Variants in KIF26A observed in about 807,000 individuals in gnomAD.
KIF26A encodes the protein kinesin-like protein KIF26A.
A neutral mutation model predicts 126.0 loss-of-function variants in KIF26A; 74 were observed. The observed-to-expected ratio is 0.59, with a 90% confidence interval of 0.49 to 0.71. The LOEUF is 0.71. Ranked by LOEUF, KIF26A falls within the 30% of genes least tolerant of loss-of-function variation. The pLI, the probability that KIF26A is intolerant of heterozygous loss-of-function variation, is 0.00. For missense variants in KIF26A, 2,984 were observed against 2,763.3 expected (o/e 1.08, Z -1.79); for synonymous variants, 1,445 against 1,232.7 (o/e 1.17, Z -3.61).
In KIF26A at chr14:104,172,486, C is replaced by T. The variant is rs1180145960; in HGVS notation, c.1327-89C>T. The T allele has an allele frequency of 3.4e-6, 3 of 876,352 alleles. No individual in the cohort carries two copies. In the African/African-American group the frequency reaches 5.0e-5, roughly 15 times the overall value. The allele number at this position is 876,352 out of a possible 1,614,324, so 54.3% of individuals were successfully genotyped here. A position where few individuals can be genotyped will look rare whatever the true frequency, so the allele number is the denominator to read the frequency against. On this transcript the variant is annotated intron_variant, in intron 6 of 14. Coordinates refer to ENST00000423312, the MANE Select transcript of KIF26A (RefSeq NM_015656.2). Reference sequence around the variant, plus strand: ...CCCAATCTCCTTGTGGGTCGACTGCCTGCATGTGCCAGGACAGACCGGCCT... The same window carrying T: ...CCCAATCTCCTTGTGGGTCGACTGCTTGCATGTGCCAGGACAGACCGGCCT...
At position 104,177,327 on chromosome 14, in the gene KIF26A, T is replaced by C. The variant is rs1162415169; in HGVS notation, c.4539T>C (p.Pro1513=). The C allele has an allele frequency of 6.6e-7, 1 of 1,525,456 alleles. No individual in the cohort carries two copies. Among genetic ancestry groups the C allele is most frequent in the Non-Finnish European group, 8.8e-7 (1 of 1,140,214 alleles). 94.5% of individuals were successfully genotyped at this position (1,525,456 alleles called of 1,614,324 possible). ...LVAGGSRALG[P]SVKLSTASVT... Reference sequence around the variant, plus strand: ...CTGGTGGGTCGCGGGCTCTGGGGCCTTCGGTGAAGCTGTCTACGGCCTCTG... The same window carrying C: ...CTGGTGGGTCGCGGGCTCTGGGGCCCTCGGTGAAGCTGTCTACGGCCTCTG... The change falls in exon 12 of 15, where the codon CCT becomes CCC. Residue 1513 remains proline (P), a synonymous_variant. Transcript: ENST00000423312.
At chr14:104,143,828 T>G (rs982001158) in intron 2 of KIF26A, among the ~76,000 whole-genome samples, 1 of 152,232 alleles carries the variant, frequency 6.6e-6, no homozygotes, top group African/African-American at 2.4e-5. Context: ...GTGCCTGGCA[T>G]CAGCAGCATT....
At position 104,176,933 on chromosome 14, in the gene KIF26A, C is replaced by T. The variant is rs755580693; in HGVS notation, c.4145C>T (p.Pro1382Leu). Residue 1382 changes from proline (P) to leucine (L), a missense_variant, in exon 12 of 15, where the codon CCG (proline) becomes CTG (leucine). Coordinates refer to ENST00000423312, the MANE Select transcript of KIF26A (RefSeq NM_015656.2). ...AGGAGCAGCCCGGCCTCGGCCCCTC[C>T]GCATGCTGTGAACCCGGCGCGGGTC... ...EQRSSPASAP[P>L]HAVNPARVGA... is the part of the protein sequence containing the mutation. 1.3e-4 allele frequency: 200 copies of T among 1,536,284 alleles called. 1 individual carries two copies. The highest frequency in any genetic ancestry group is 1.6e-4 in the Non-Finnish European group (184 of 1,145,914).
At position 104,179,095 on chromosome 14, in the gene KIF26A, G is replaced by C. The variant is rs902172064; in HGVS notation, c.5317-141G>C. The C allele has an allele frequency of 4.0e-6, 4 of 1,004,232 alleles. No homozygotes were observed. The Admixed American group carries it at 1.0e-4, about 26-fold the overall frequency. The allele number at this position is 1,004,232 out of a possible 1,614,324, so 62.2% of individuals were successfully genotyped here. On this transcript the variant is annotated intron_variant, in intron 13 of 14. Coordinates refer to ENST00000423312, the MANE Select transcript of KIF26A (RefSeq NM_015656.2). ...GGCATGGGTGGGCTGCCCCAGGTCC[G>C]CCCCCTGCCCGCCCTTGGAGCCCCA... is the stretch of plus-strand genomic sequence containing the variant.
In KIF26A at chr14:104,151,830, C is replaced by G. The variant is rs2037732327; in HGVS notation, c.289-185C>G. Reference sequence around the variant, plus strand: ...GACATTGTGAGCCTCACGATGAAGCCCGATCATTATTTTCCTGCTGGGCTT... The same window carrying G: ...GACATTGTGAGCCTCACGATGAAGCGCGATCATTATTTTCCTGCTGGGCTT... On this transcript the variant is annotated intron_variant, in intron 2 of 14. Coordinates refer to ENST00000423312, the MANE Select transcript of KIF26A (RefSeq NM_015656.2). This position sits in a 1 kb window ranked among gnomAD's most constrained non-coding sequence, Gnocchi z 4.9. Among the ~76,000 whole-genome samples, 3 of 152,216 alleles carry G rather than the reference C, an allele frequency of 2.0e-5. No homozygotes were observed. The highest frequency in any genetic ancestry group is 7.2e-5 in the African/African-American group (3 of 41,456).
intron 13 of KIF26A, 144 bp downstream of exon 13, chr14:104,178,899 C>T (rs2038068164): frequency 8.3e-6 from 5 of 599,578 alleles, no homozygotes; most frequent in Non-Finnish European, 8.6e-6. Context: ...ACGTTCCTCC[C>T]AGGACGCAAA....
intron 13 of KIF26A, among the ~76,000 whole-genome samples, chr14:104,178,978 G>A (rs935736240): frequency 2.0e-5 from 3 of 152,204 alleles, no homozygotes; most frequent in Non-Finnish European, 4.4e-5. Flanking sequence ...GTGGGTGGGT[G>A]GCTGGGGGGT....
intron 5 of KIF26A, 77 bp from the exon 6 acceptor site, chr14:104,171,646 C>A: frequency 1.6e-6 from 2 of 1,287,994 alleles, no homozygotes; most frequent in Non-Finnish European, 2.1e-6. Flanking sequence ...CCCACCTGAG[C>A]TGGGCCCCTC....
rs576086904 is a variant in KIF26A at position 104,157,792 on chromosome 14, C to T, written c.773C>T (p.Thr258Met). The T allele has an allele frequency of 1.6e-5, 26 of 1,610,426 alleles. No individual in the cohort carries two copies. The highest frequency in any genetic ancestry group is 5.3e-5 in the African/African-American group (4 of 74,978). ...GTGGCGGCCGTGGCGGTGGCAGACA[C>T]GGTCCGAGAATGCCCCCCCGTGGCC... ...AAVAAVAVAD[T>M]VRECPPVAGP... Residue 258 changes from threonine (T) to methionine (M), a missense_variant, in exon 4 of 15, where the codon ACG becomes ATG. Thr to Met is a moderately conservative substitution (Grantham distance 81). Transcript: ENST00000423312.
chr14:104,159,126 C>T (rs866095747), intron 4 of KIF26A, among the ~76,000 whole-genome samples: 1 of 152,344 alleles, frequency 6.6e-6, no homozygotes, highest in South Asian at 2.1e-4. Context: ...GGAGCACAGC[C>T]AGACCGCGCA....
In KIF26A at chr14:104,175,771, C is replaced by T; in HGVS notation, c.2983C>T (p.Pro995Ser). ...SGQVAGSPML[P>S]GATCPRLAAG... ...GCAGGTGGCTGGGTCCCCGATGCTT[C>T]CTGGGGCCACCTGCCCCCGCCTGGC... Residue 995 changes from proline (P) to serine (S), a missense_variant, in exon 12 of 15, where the codon CCT becomes TCT. Pro to Ser is a moderately conservative substitution (Grantham distance 74, BLOSUM62 -1). Transcript: ENST00000423312. 6.5e-7 allele frequency: 1 copy of T among 1,537,008 alleles called. No homozygotes were observed. Among genetic ancestry groups the T allele is most frequent in the East Asian group, 2.4e-5 (1 of 40,852 alleles).
Position 104,179,622 on chromosome 14 carries a change from G to T in KIF26A, c.5481G>T (p.Pro1827=). 1.3e-6 allele frequency: 2 copies of T among 1,534,722 alleles called. No individual in the cohort carries two copies. The highest frequency in any genetic ancestry group is 1.8e-6 in the Non-Finnish European group (2 of 1,139,272). ...GRWLEQFEVD[P]ELEPESAEYL... is the part of the protein sequence containing the mutation. Reference sequence around the variant, plus strand: ...TCCCCTCCCCAGTTGAGGTGGACCCGGAGCTGGAGCCCGAGTCGGCCGAGT... The same window carrying T: ...TCCCCTCCCCAGTTGAGGTGGACCCTGAGCTGGAGCCCGAGTCGGCCGAGT... Residue 1827 remains proline, a synonymous_variant, in exon 15 of 15, where the codon CCG becomes CCT. Transcript: ENST00000423312.
chr14:104,153,785 C>T (rs1782171620), intron 3 of KIF26A, among the ~76,000 whole-genome samples: 1 of 152,230 alleles, frequency 6.6e-6, no homozygotes. Context: ...TGGGCACAGG[C>T]ACCTCCGTCT....
chr14:104,176,247 G>T lies in KIF26A; in HGVS notation c.3459G>T (p.Leu1153=), dbSNP rs376193597. The T allele has an allele frequency of 1.9e-6, 3 of 1,599,294 alleles. No homozygotes were observed. Among genetic ancestry groups the T allele is most frequent in the African/African-American group, 2.7e-5 (2 of 74,622 alleles). The change falls in exon 12 of 15, where the codon CTG becomes CTT. Residue 1153 remains leucine, a synonymous_variant. Coordinates refer to ENST00000423312, the MANE Select transcript of KIF26A (RefSeq NM_015656.2). ...PGGPPALDGS[L]GDGSSGFLGP... is the part of the protein sequence containing the mutation. Reference sequence around the variant, plus strand: ...GCCCCCCTGCCCTGGATGGTTCCCTGGGGGATGGAAGCTCTGGGTTCCTGG... The same window carrying T: ...GCCCCCCTGCCCTGGATGGTTCCCTTGGGGATGGAAGCTCTGGGTTCCTGG...
chr14:104,141,074 C>T (rs1415785043), intron 2 of KIF26A, among the ~76,000 whole-genome samples: 2 of 152,234 alleles, frequency 1.3e-5, no homozygotes, highest in Non-Finnish European at 2.9e-5. Flanking sequence ...TGTCCTGTCC[C>T]CTGTGCGGGC....
Position 104,152,026 on chromosome 14 carries a change from C to G in KIF26A, c.300C>G (p.Leu100=). The part of the protein sequence containing the change: ...GPGTTLRDPC[L]SALLLDKLPA... Reference sequence around the variant, plus strand: ...CTTGCTGTCCTCAGGATCCTTGCCTCTCTGCCCTGCTTCTCGACAAGCTAC... The same window carrying G: ...CTTGCTGTCCTCAGGATCCTTGCCTGTCTGCCCTGCTTCTCGACAAGCTAC... Residue 100 remains leucine, a synonymous_variant, in exon 3 of 15, where the codon CTC becomes CTG. Coordinates refer to ENST00000423312, the MANE Select transcript of KIF26A (RefSeq NM_015656.2). The surrounding 1 kb of genome is among the most constrained non-coding windows in gnomAD (Gnocchi z 5.9). The G allele has an allele frequency of 6.2e-7, 1 of 1,612,656 alleles. No individual in the cohort carries two copies.
rs547968979 is a variant in KIF26A, at chr14:104,139,189, G to C, written c.189G>C (p.Ser63=). 4 of 1,546,366 alleles carry C rather than the reference G, an allele frequency of 2.6e-6. No individual in the cohort carries two copies. In the South Asian group the frequency reaches 4.8e-5, roughly 19 times the overall value. Reference sequence around the variant, plus strand: ...GGGCCGGCCCAGAGCAGGGCCACTCGGCCGGCGGAGGCGGCTGGTGCCGCC... The same window carrying C: ...GGGCCGGCCCAGAGCAGGGCCACTCCGCCGGCGGAGGCGGCTGGTGCCGCC... The part of the protein sequence containing the change: ...GAGAGPEQGH[S]AGGGGWCRHC... Residue 63 remains serine, a synonymous_variant, in exon 2 of 15, where the codon TCG becomes TCC. Transcript: ENST00000423312.
At chr14:104,153,643 G>GACCCCACCCTTGCCATGAGGT (rs1256414989) in intron 3 of KIF26A, among the ~76,000 whole-genome samples, 1 of 130,002 alleles carries the variant, frequency 7.7e-6, no homozygotes, top group Non-Finnish European at 1.7e-5. Context: ...CCCAGAGCTG[G>GACCCCACCCTTGCCATGAGGT]GCATCCTGGG....
In KIF26A at chr14:104,138,651, C is replaced by G. The variant is rs954276286; in HGVS notation, c.-72C>G. 41 of 1,186,216 alleles carry G rather than the reference C, an allele frequency of 3.5e-5. No individual in the cohort carries two copies. The highest frequency in any genetic ancestry group is 4.0e-5 in the Non-Finnish European group (38 of 942,180). The allele number at this position is 1,186,216 out of a possible 1,614,324, so 73.5% of individuals were successfully genotyped here. ...CCATGGGGGCGCCTCGGGGCCGGAT[C>G]ACGTAGCCGCGGCGCCCCCGGAGAG... On this transcript the variant is annotated 5_prime_UTR_variant, in exon 1 of 15. The change creates a new upstream start codon in the 5' untranslated region. Transcript: ENST00000423312.
Sources: gnomAD v4.1 joint callset for allele counts (sites outside exome capture counted in the v4.1 genomes callset) on GRCh38, gnomAD v4.1.1 for gene constraint, Gnocchi (gnomAD v3.1) non-coding constraint, MANE v1.5 for transcripts, NCBI Gene and HGNC (gene_info 2026-07-23, HGNC 2026-07-21) for gene names.